SPAM1: variants seen among roughly 807,000 people sequenced by gnomAD.
SPAM1 encodes hyaluronidase PH-20.
In SPAM1, 22 loss-of-function variants were observed where a neutral mutation model predicts 29.6. The ratio of observed to expected loss-of-function variants is 0.74; its 90% confidence interval spans 0.53 to 1.06. SPAM1 has a LOEUF of 1.06. Ranked by LOEUF, SPAM1 falls within the 50% of genes least tolerant of loss-of-function variation. The pLI is 0.00. For synonymous variants in SPAM1, 194 were observed against 204.6 expected (o/e 0.95, Z 0.44); for missense variants, 534 against 604.0 (o/e 0.88, Z 1.21).
intron 4 of SPAM1, among the ~76,000 whole-genome samples, chr7:123,955,875 A>G (rs1049470068): frequency 4.6e-5 from 7 of 151,978 alleles, no homozygotes; most frequent in African/African-American, 9.7e-5. Context: ...AAAGTATTTT[A>G]TGTGTCAGAA....
rs114450877 is a variant in SPAM1 at position 123,935,151 on chromosome 7, C to T, written c.-319+9799C>T. Among the ~76,000 whole-genome samples, 744 of 152,254 alleles carry T rather than the reference C, an allele frequency of 4.9e-3. 10 individuals carry two copies. The highest frequency in any genetic ancestry group is 0.017 in the African/African-American group (687 of 41,552). ...TAAAGATTTAAAAAGAGAATGTTGT[C>T]TTCTTCCTAATACAGGGAGGGTGCC... On this transcript the variant is annotated intron_variant, in intron 1 of 4. Transcript: ENST00000682466.
intron 1 of SPAM1, among the ~76,000 whole-genome samples, chr7:123,948,541 A>G (rs1013679086): frequency 1.3e-5 from 2 of 152,086 alleles, no homozygotes; most frequent in African/African-American, 4.8e-5. Flanking sequence ...AAAGTTTAGT[A>G]GTTTTGAGTG....
At chr7:123,947,329 A>ACTTCAGC (rs1808609148) in intron 1 of SPAM1, among the ~76,000 whole-genome samples, 2 of 152,082 alleles carry the variant, frequency 1.3e-5, no homozygotes, top group Non-Finnish European at 2.9e-5. Context: ...TGGCGAGATC[A>ACTTCAGC]CTTCAGCCCA....
At chr7:123,927,203 GAT>G (rs200221989) in intron 1 of SPAM1, among the ~76,000 whole-genome samples, 2,083 of 152,252 alleles carry the variant, frequency 0.014, 20 homozygotes, top group Non-Finnish European at 0.023. Flanking sequence ...ATTTGGGTAA[GAT>G]AAAAAATCAG....
intron 5 of SPAM1, among the ~76,000 whole-genome samples, chr7:123,965,108 G>C (rs930803561): frequency 6.6e-6 from 1 of 151,900 alleles, no homozygotes; most frequent in African/African-American, 2.4e-5. Context: ...TAAGTGACTT[G>C]CCCTGGGTCA....
downstream of SPAM1, among the ~76,000 whole-genome samples, chr7:123,963,628 A>G (rs1792387731): frequency 6.6e-6 from 1 of 151,958 alleles, no homozygotes; most frequent in African/African-American, 2.4e-5. Context: ...TTATAAGGGC[A>G]TAAGGCTATA....
At chr7:123,952,459 A>G (rs1392348351) in intron 2 of SPAM1, among the ~76,000 whole-genome samples, 1 of 152,118 alleles carries the variant, frequency 6.6e-6, no homozygotes, top group Non-Finnish European at 1.5e-5. Context: ...CAGAACATTT[A>G]ACTATATCTT....
At chr7:123,943,713 A>G (rs1232992147) in intron 1 of SPAM1, among the ~76,000 whole-genome samples, 1 of 152,168 alleles carries the variant, frequency 6.6e-6, no homozygotes, top group Non-Finnish European at 1.5e-5. Context: ...AAGTGTTTCA[A>G]ATATAAAATG....
chr7:123,955,153 G>T (rs1196388251), intron 4 of SPAM1, 67 bp downstream of exon 4: 3 of 1,156,402 alleles, frequency 2.6e-6, no homozygotes, highest in African/African-American at 3.1e-5. Context: ...GATTGTTTTG[G>T]TATTAAATAA....
At chr7:123,966,810 A>G (rs1316333942) in intron 5 of SPAM1, among the ~76,000 whole-genome samples, 12 of 152,004 alleles carry the variant, frequency 7.9e-5, no homozygotes, top group Non-Finnish European at 4.4e-5. Context: ...GCTGGACTTA[A>G]TACCCAGGTG....
At chr7:123,933,855 G>A (rs1367746510) in intron 1 of SPAM1, among the ~76,000 whole-genome samples, 2 of 152,158 alleles carry the variant, frequency 1.3e-5, no homozygotes, top group African/African-American at 4.8e-5. Flanking sequence ...TTTGGTCAAT[G>A]ATAGACCATA....
downstream of SPAM1, among the ~76,000 whole-genome samples, chr7:123,961,818 T>C (rs1356968253): frequency 1.3e-5 from 2 of 151,932 alleles, no homozygotes; most frequent in African/African-American, 4.8e-5. Flanking sequence ...GGTCTCACAA[T>C]CATGGTGAAA....
At chr7:123,950,634 A>G (rs975124223) in intron 2 of SPAM1, among the ~76,000 whole-genome samples, 3 of 152,130 alleles carry the variant, frequency 2.0e-5, no homozygotes, top group African/African-American at 7.2e-5. Flanking sequence ...TAGTGTATAT[A>G]TACCAAATTT....
chr7:123,953,535 A>G lies in SPAM1; in HGVS notation c.-36A>G. On this transcript the variant is annotated 5_prime_UTR_variant, in exon 3 of 5. Coordinates refer to ENST00000682466, the MANE Select transcript of SPAM1 (RefSeq NM_153189.3). ...TATTGGGTAAACCAAAGTGTGTAGG[A>G]AGAAATAAATGTTTTCATAGTCATT... 1 of 1,390,912 alleles carries G rather than the reference A, an allele frequency of 7.2e-7. No homozygotes were observed. The highest frequency in any genetic ancestry group is 9.8e-7 in the Non-Finnish European group (1 of 1,015,578). The allele number at this position is 1,390,912 out of a possible 1,614,324, so 86.2% of individuals were successfully genotyped here.
intron 1 of SPAM1, chr7:123,947,833 A>T (rs919351773): frequency 2.6e-5 from 4 of 152,130 alleles, no homozygotes; most frequent in African/African-American, 9.7e-5. Context: ...AGTAGGAAAA[A>T]GCAGGTACTG....
At chr7:123,963,752 T>G (rs539790979), downstream of SPAM1, among the ~76,000 whole-genome samples, 1 of 152,014 alleles carries the variant, frequency 6.6e-6, no homozygotes, top group South Asian at 2.1e-4. Flanking sequence ...TAGCAGGATA[T>G]AGGGAGAAGA....
downstream of SPAM1, among the ~76,000 whole-genome samples, chr7:123,963,551 T>C (rs970893080): frequency 2.0e-5 from 3 of 151,940 alleles, no homozygotes; most frequent in Admixed American, 6.6e-5. Flanking sequence ...ATAATCATCA[T>C]TATATTTTTA....
chr7:123,969,554 C>T (rs925248736), intron 5 of SPAM1, among the ~76,000 whole-genome samples: 7 of 151,988 alleles, frequency 4.6e-5, no homozygotes, highest in Admixed American at 3.9e-4. Flanking sequence ...TGTCTTTTCC[C>T]CAATATATGT....
At chr7:123,945,980 A>G (rs1275053606) in intron 1 of SPAM1, among the ~76,000 whole-genome samples, 5 of 152,158 alleles carry the variant, frequency 3.3e-5, no homozygotes, top group Non-Finnish European at 7.4e-5. Flanking sequence ...ATGATTACTG[A>G]ACACTCTAAT....
Sources: allele counts gnomAD v4.1 joint callset (sites outside exome capture counted in the v4.1 genomes callset), GRCh38; gene constraint gnomAD v4.1.1; transcripts MANE v1.5; gene names NCBI Gene and HGNC (gene_info 2026-07-23, HGNC 2026-07-21).